The following SPMIP2 variants were observed in gnomAD, a reference collection of about 807,000 sequenced individuals.
SPMIP2 encodes the protein protein SPMIP2.
the SPMIP2 span, chr4:158,973,139 C>T: frequency 6.2e-7 from 1 of 1,612,206 alleles, no homozygotes; most frequent in South Asian, 1.1e-5. Flanking sequence ...GTGGTATTCT[C>T]CAACCAATTT....
chr4:158,911,349 A>AATAAATAAATAC, the SPMIP2 span, among the ~76,000 whole-genome samples: 1 of 34,040 alleles, frequency 2.9e-5, no homozygotes. Context: ...CTCCGTCTCA[A>AATAAATAAATAC]ATAAATAAAT....
chr4:159,039,859 A>G, the SPMIP2 span, among the ~76,000 whole-genome samples: 3 of 152,260 alleles, frequency 2.0e-5, no homozygotes, highest in Non-Finnish European at 4.4e-5. Context: ...TTGGAGGCCA[A>G]TGCAGTGGCC....
chr4:159,033,443 T>C, the SPMIP2 span, among the ~76,000 whole-genome samples: 2 of 152,088 alleles, frequency 1.3e-5, no homozygotes, highest in Non-Finnish European at 2.9e-5. Flanking sequence ...CAAACCTTAA[T>C]GGATGCAAAT....
the SPMIP2 span, among the ~76,000 whole-genome samples, chr4:159,020,834 T>C: frequency 6.6e-6 from 1 of 152,166 alleles, no homozygotes; most frequent in Non-Finnish European, 1.5e-5. Context: ...CTATCTCGGC[T>C]CACTGCAAGC....
the SPMIP2 span, among the ~76,000 whole-genome samples, chr4:158,934,780 C>T: frequency 6.6e-6 from 1 of 152,122 alleles, no homozygotes; most frequent in Non-Finnish European, 1.5e-5. Flanking sequence ...CTCCATCCCT[C>T]CACATTTAGT....
At chr4:158,945,273 C>T in the SPMIP2 span, among the ~76,000 whole-genome samples, 12 of 152,218 alleles carry the variant, frequency 7.9e-5, no homozygotes, top group East Asian at 1.9e-3. Context: ...CCTCCTCATC[C>T]GTGTTCTGGG....
At chr4:159,036,036 T>A in the SPMIP2 span, among the ~76,000 whole-genome samples, 47 of 152,218 alleles carry the variant, frequency 3.1e-4, no homozygotes, top group African/African-American at 1.1e-3. Context: ...TTAATAGATG[T>A]TTGTGGGATG....
chr4:159,048,705 CTAA>C, the SPMIP2 span, among the ~76,000 whole-genome samples: 67,091 of 144,210 alleles, frequency 0.47, 16,350 homozygotes, highest in Non-Finnish European at 0.55. Context: ...ACAATGATAA[CTAA>C]TAATTTTTTC....
chr4:158,992,875 G>A, the SPMIP2 span, among the ~76,000 whole-genome samples: 1 of 152,170 alleles, frequency 6.6e-6, no homozygotes, highest in Middle Eastern at 3.2e-3. Flanking sequence ...TAAAGGCCCC[G>A]CCTCTTACTC....
At chr4:159,074,060 G>A in the SPMIP2 span, among the ~76,000 whole-genome samples, 1 of 152,154 alleles carries the variant, frequency 6.6e-6, no homozygotes, top group East Asian at 1.9e-4. Context: ...GACTCTTGGT[G>A]ATAAAGGGTC....
At chr4:158,952,140 C>G in the SPMIP2 span, among the ~76,000 whole-genome samples, 2 of 152,120 alleles carry the variant, frequency 1.3e-5, no homozygotes, top group African/African-American at 4.8e-5. Context: ...AATTAACACA[C>G]TGTGAAAGGA....
At chr4:159,017,272 C>G in the SPMIP2 span, among the ~76,000 whole-genome samples, 1 of 151,970 alleles carries the variant, frequency 6.6e-6, no homozygotes, top group South Asian at 2.1e-4. Context: ...ACAGTTATCC[C>G]GAATGACTCC....
the SPMIP2 span, among the ~76,000 whole-genome samples, chr4:159,050,579 G>C: frequency 3.7e-4 from 57 of 152,166 alleles, no homozygotes; most frequent in Admixed American, 3.3e-3. Context: ...GAAGCAGGAG[G>C]ATTGCTTGAA....
At chr4:159,017,114 G>A in the SPMIP2 span, among the ~76,000 whole-genome samples, 1 of 152,090 alleles carries the variant, frequency 6.6e-6, no homozygotes, top group African/African-American at 2.4e-5. Flanking sequence ...AGAAATGTTA[G>A]ATGGGAAAGG....
chr4:158,895,663 A>T, the SPMIP2 span: 2 of 805,554 alleles, frequency 2.5e-6, no homozygotes, highest in African/African-American at 1.7e-5. Context: ...CTGTGTAGTT[A>T]GAAATGAATT....
the SPMIP2 span, among the ~76,000 whole-genome samples, chr4:159,066,412 G>C: frequency 4.6e-5 from 7 of 151,954 alleles, no homozygotes; most frequent in East Asian, 1.4e-3. Flanking sequence ...CTGAGTCCTG[G>C]GCTCACGCAA....
At chr4:159,051,450 G>A in the SPMIP2 span, among the ~76,000 whole-genome samples, 1 of 152,078 alleles carries the variant, frequency 6.6e-6, no homozygotes, top group Admixed American at 6.5e-5. Context: ...CTGGTACTTC[G>A]TACACAATAG....
At chr4:159,015,749 C>T in the SPMIP2 span, among the ~76,000 whole-genome samples, 4 of 152,136 alleles carry the variant, frequency 2.6e-5, no homozygotes, top group African/African-American at 9.7e-5. Context: ...AATATATATT[C>T]AAATGCTGAC....
chr4:159,080,144 G>T, the SPMIP2 span, among the ~76,000 whole-genome samples: 1 of 151,994 alleles, frequency 6.6e-6, no homozygotes, highest in African/African-American at 2.4e-5. Flanking sequence ...TTTTTCTCTC[G>T]CCTCTAGAAG....
Sources: gnomAD v4.1 joint callset for allele counts (sites outside exome capture counted in the v4.1 genomes callset) on GRCh38, gnomAD v4.1.1 for gene constraint, MANE v1.5 for transcripts, NCBI Gene and HGNC (gene_info 2026-07-23, HGNC 2026-07-21) for gene names.